The following LRFN5 variants were observed in gnomAD, a reference collection of about 807,000 sequenced individuals.
LRFN5 encodes leucine rich repeat and fibronectin type III domain containing 5.
In LRFN5, 24 loss-of-function variants were observed where a neutral mutation model predicts 45.6. The ratio of observed to expected loss-of-function variants is 0.53; its 90% CI spans 0.38 to 0.74. LRFN5 has a LOEUF of 0.74. Ranked by LOEUF, LRFN5 falls within the 30% of genes least tolerant of loss-of-function variation. LRFN5 has a pLI of 0.00. For synonymous variants in LRFN5, 340 were observed against 313.8 expected (o/e 1.08, Z -0.88); for missense variants, 776 against 861.5 (o/e 0.90, Z 1.24).
chr14:41,901,063 G>A (rs1280790354), intron 5 of LRFN5, among the ~76,000 whole-genome samples: 7 of 151,890 alleles, frequency 4.6e-5, no homozygotes, highest in Non-Finnish European at 7.4e-5. Context: ...TTCTTTTTTA[G>A]AAGCCTTTAG....
At chr14:41,647,969 A>C (rs1312728048) in intron 1 of LRFN5, among the ~76,000 whole-genome samples, 2 of 152,216 alleles carry the variant, frequency 1.3e-5, no homozygotes, top group Non-Finnish European at 2.9e-5. Context: ...GTTAAGAAGA[A>C]TATGGCCAAT....
chr14:41,859,662 T>C (rs1465482971), intron 2 of LRFN5, among the ~76,000 whole-genome samples: 1 of 152,206 alleles, frequency 6.6e-6, no homozygotes, highest in East Asian at 1.9e-4. Flanking sequence ...GTTTTCTAAC[T>C]CAGGACAGAA....
chr14:41,653,228 A>G (rs959098978), intron 1 of LRFN5, among the ~76,000 whole-genome samples: 1 of 152,108 alleles, frequency 6.6e-6, no homozygotes, highest in African/African-American at 2.4e-5. Flanking sequence ...TTCATCATAA[A>G]GTCTTTGCCT....
chr14:41,753,940 C>T (rs1055382375), intron 1 of LRFN5, among the ~76,000 whole-genome samples: 1 of 152,126 alleles, frequency 6.6e-6, no homozygotes, highest in South Asian at 2.1e-4. Flanking sequence ...TACGTCCCAT[C>T]AATACCTAAT....
At chr14:41,734,645 T>C (rs1884347128) in intron 1 of LRFN5, among the ~76,000 whole-genome samples, 1 of 151,650 alleles carries the variant, frequency 6.6e-6, no homozygotes, top group Non-Finnish European at 1.5e-5. Context: ...AATTGTGAAA[T>C]TAAATTCATT....
chr14:41,729,765 G>T (rs58373729), intron 1 of LRFN5, among the ~76,000 whole-genome samples: 32,271 of 151,778 alleles, frequency 0.21, 3,520 homozygotes, highest in Non-Finnish European at 0.23. Context: ...TCTTTTAAAA[G>T]AAATATGTCC....
At chr14:41,747,554 A>C (rs1198252666) in intron 1 of LRFN5, among the ~76,000 whole-genome samples, 1 of 152,036 alleles carries the variant, frequency 6.6e-6, no homozygotes, top group African/African-American at 2.4e-5. Context: ...TAACACTGAC[A>C]ACTATAACCT....
chr14:41,739,559 G>A (rs1381504534), intron 1 of LRFN5, among the ~76,000 whole-genome samples: 1 of 151,588 alleles, frequency 6.6e-6, no homozygotes, highest in Non-Finnish European at 1.5e-5. Context: ...ATGGGATACA[G>A]CAAAAACAAT....
chr14:41,886,830 A>G lies in LRFN5; in HGVS notation c.205A>G (p.Lys69Glu). 1 of 1,614,042 alleles carries G rather than the reference A, an allele frequency of 6.2e-7. No homozygotes were observed. Among genetic ancestry groups the G allele is most frequent in the Non-Finnish European group, 8.5e-7 (1 of 1,179,990 alleles). ...CAATTTTGTTACAAATATTAAAAGG[A>G]AAGATTTTGCCAATATGACCAGCTT... ...ADNFVTNIKR[K>E]DFANMTSLVD... The change falls in exon 3 of 6, where the codon AAA becomes GAA. Residue 69 changes from lysine (K) to glutamate (E), a missense_variant. Lys to Glu is a moderately conservative substitution (Grantham distance 56, BLOSUM62 1). Around this residue, in one of 2 missense-constraint regions of LRFN5, gnomAD observed 311 missense variants for 405.1 expected, o/e 0.77. Coordinates refer to ENST00000298119, the MANE Select transcript of LRFN5 (RefSeq NM_152447.5).
chr14:41,632,253 T>C (rs898862803), intron 1 of LRFN5, among the ~76,000 whole-genome samples: 1 of 152,244 alleles, frequency 6.6e-6, no homozygotes, highest in African/African-American at 2.4e-5. Context: ...ACAGTTTCTT[T>C]ACTATGCTGT....
chr14:41,657,395 A>G (rs1426798319), intron 1 of LRFN5, among the ~76,000 whole-genome samples: 2 of 151,920 alleles, frequency 1.3e-5, no homozygotes, highest in Non-Finnish European at 2.9e-5. Flanking sequence ...ATCTTGAATG[A>G]TGTAAAAGCG....
intron 1 of LRFN5, among the ~76,000 whole-genome samples, chr14:41,720,318 T>G (rs1883664627): frequency 6.6e-6 from 1 of 152,160 alleles, no homozygotes; most frequent in Non-Finnish European, 1.5e-5. Flanking sequence ...GTACCACATT[T>G]TCTTTATCCA....
intron 2 of LRFN5, among the ~76,000 whole-genome samples, chr14:41,774,300 C>G (rs1240032491): frequency 6.6e-6 from 1 of 152,098 alleles, no homozygotes; most frequent in Non-Finnish European, 1.5e-5. Flanking sequence ...CTCCATATAC[C>G]ACTACAGACT....
At chr14:41,866,829 C>T (rs1242419652) in intron 2 of LRFN5, among the ~76,000 whole-genome samples, 1 of 152,068 alleles carries the variant, frequency 6.6e-6, no homozygotes, top group Non-Finnish European at 1.5e-5. Flanking sequence ...GACTTAATCT[C>T]TAAACAATAA....
At chr14:41,745,538 CAG>C (rs1369870459) in intron 1 of LRFN5, among the ~76,000 whole-genome samples, 1 of 151,708 alleles carries the variant, frequency 6.6e-6, no homozygotes, top group Non-Finnish European at 1.5e-5. Flanking sequence ...AAGATTGGAG[CAG>C]AGATCATTGA....
At chr14:41,684,787 A>C (rs1036304475) in intron 1 of LRFN5, among the ~76,000 whole-genome samples, 3 of 152,188 alleles carry the variant, frequency 2.0e-5, no homozygotes, top group Non-Finnish European at 4.4e-5. Flanking sequence ...AACCAAAGGA[A>C]AAATTGTCAA....
At chr14:41,844,478 C>G (rs1269912402) in intron 2 of LRFN5, among the ~76,000 whole-genome samples, 1 of 151,740 alleles carries the variant, frequency 6.6e-6, no homozygotes, top group Non-Finnish European at 1.5e-5. Context: ...ATAATTTACA[C>G]TGATTTTGGA....
At chr14:41,697,510 A>G (rs1270371710) in intron 1 of LRFN5, among the ~76,000 whole-genome samples, 2 of 151,820 alleles carry the variant, frequency 1.3e-5, no homozygotes, top group Non-Finnish European at 2.9e-5. Flanking sequence ...TTTTGATTAA[A>G]TATCTTGAGA....
At chr14:41,791,843 T>C (rs543836436) in intron 2 of LRFN5, among the ~76,000 whole-genome samples, 1 of 152,226 alleles carries the variant, frequency 6.6e-6, no homozygotes, top group Non-Finnish European at 1.5e-5. Flanking sequence ...AGATAAGACT[T>C]TTGAATGTCA....
Sources: gnomAD v4.1 joint callset for allele counts (sites outside exome capture counted in the v4.1 genomes callset) on GRCh38, gnomAD v4.1.1 for gene constraint, gnomAD v4.1.1 regional missense constraint, MANE v1.5 for transcripts, NCBI Gene and HGNC (gene_info 2026-07-23, HGNC 2026-07-21) for gene names.